The following TENM1 variants were observed in gnomAD, a reference collection of about 807,000 sequenced individuals.
The protein encoded by TENM1 is teneurin-1.
A neutral mutation model predicts 174.8 loss-of-function variants in TENM1; 35 were observed. The observed-to-expected ratio is 0.20, with a 90% CI of 0.15 to 0.27. The LOEUF (loss-of-function observed/expected upper bound fraction) is 0.27, where lower values mean the gene tolerates loss of function less well. Among genes scored for constraint, TENM1 ranks in the 10% least tolerant of loss-of-function variants. The pLI is 1.00. For missense variants in TENM1, 1,633 were observed against 2,130.1 expected (o/e 0.77, Z 4.59); for synonymous variants, 781 against 798.7 (o/e 0.98, Z 0.37).
At chrX:124,597,222 A>T (rs1283244386) in intron 11 of TENM1, among the ~76,000 whole-genome samples, 1 of 112,019 alleles carries the variant, frequency 8.9e-6, no homozygotes, top group East Asian at 2.8e-4. Context: ...ACACTTGCAC[A>T]TGCATGTTGA....
intron 3 of TENM1, among the ~76,000 whole-genome samples, chrX:124,868,940 C>T (rs775064020): frequency 9.1e-5 from 10 of 109,829 alleles, no homozygotes; most frequent in African/African-American, 3.3e-4. Context: ...TGTGATCTCA[C>T]CCGGCTGGGC....
intron 18 of TENM1, among the ~76,000 whole-genome samples, chrX:124,514,718 A>C (rs148629620): frequency 1.8e-4 from 20 of 109,999 alleles, no homozygotes; most frequent in Middle Eastern, 4.6e-3. Flanking sequence ...ACCAACCAAC[A>C]AACAAACAAA....
intron 11 of TENM1, among the ~76,000 whole-genome samples, chrX:124,612,327 ACTC>A (rs1032273026): frequency 6.3e-5 from 7 of 110,267 alleles, no homozygotes; most frequent in Non-Finnish European, 1.1e-4. Flanking sequence ...CATTCTGATA[ACTC>A]ACCCCAAACT....
intron 11 of TENM1, among the ~76,000 whole-genome samples, chrX:124,624,586 G>A (rs1398357724): frequency 9.0e-6 from 1 of 111,615 alleles, no homozygotes; most frequent in Non-Finnish European, 1.9e-5. Flanking sequence ...AAGAGGTTAG[G>A]TAATTTGGTT....
chrX:124,647,938 G>T (rs1650600207), intron 8 of TENM1, among the ~76,000 whole-genome samples: 1 of 111,651 alleles, frequency 9.0e-6, no homozygotes, highest in Non-Finnish European at 1.9e-5. Flanking sequence ...AGCTATTTCT[G>T]ATTAGAAGGA....
At chrX:124,799,890 G>A (rs34424840) in intron 3 of TENM1, among the ~76,000 whole-genome samples, 1 of 111,934 alleles carries the variant, frequency 8.9e-6, no homozygotes, top group African/African-American at 3.3e-5. Flanking sequence ...TTCTGTTTAT[G>A]TGATGAATTA....
chrX:124,627,517 T>C (rs1430524072), intron 11 of TENM1, among the ~76,000 whole-genome samples: 4 of 111,587 alleles, frequency 3.6e-5, no homozygotes, highest in African/African-American at 1.3e-4. Flanking sequence ...TTACACAAGG[T>C]ATGGATTTGG....
chrX:124,769,136 G>A (rs1223648253), intron 3 of TENM1, among the ~76,000 whole-genome samples: 2 of 111,572 alleles, frequency 1.8e-5, no homozygotes, highest in African/African-American at 6.5e-5. Context: ...AATATTCAGG[G>A]AAACATACTT....
chrX:124,732,154 C>T lies in TENM1; in HGVS notation c.776+4803G>A, dbSNP rs763988711. ...TTCCACTGTTATCTTCCATACCAAA[C>T]ACAAAACTGAAAAAGAATCAACTAT... On this transcript the variant is annotated intron_variant, in intron 4 of 31. Coordinates refer to ENST00000422452, the Ensembl canonical transcript of TENM1. Among the ~76,000 whole-genome samples the T allele has an allele frequency of 4.6e-3, 512 of 111,976 alleles. 3 individuals are homozygous for T. Among genetic ancestry groups the T allele is most frequent in the African/African-American group, 0.016 (485 of 30,859 alleles).
At chrX:125,110,290 A>T in the TENM1 span, among the ~76,000 whole-genome samples, 2 of 111,557 alleles carry the variant, frequency 1.8e-5, no homozygotes, top group Middle Eastern at 4.2e-3. Context: ...TGCTGTCAAA[A>T]TCTAAGTTGG....
intron 11 of TENM1, among the ~76,000 whole-genome samples, chrX:124,613,644 T>C (rs1440121151): frequency 1.8e-5 from 2 of 111,524 alleles, no homozygotes; most frequent in Non-Finnish European, 3.8e-5. Context: ...TGCTTGGTAA[T>C]ATCTCATTTG....
chrX:124,397,181 A>G (rs752007027), intron 27 of TENM1, among the ~76,000 whole-genome samples: 1 of 111,984 alleles, frequency 8.9e-6, no homozygotes, highest in East Asian at 2.8e-4. Flanking sequence ...TATGGGGAAA[A>G]GCAAAGCCCT....
At chrX:124,601,708 T>A (rs1057112309) in intron 11 of TENM1, among the ~76,000 whole-genome samples, 15 of 110,384 alleles carry the variant, frequency 1.4e-4, no homozygotes, top group Non-Finnish European at 1.9e-5. Context: ...ACCGTATGAT[T>A]TTTTTCCAAT....
At chrX:124,753,803 G>A (rs188504949) in intron 3 of TENM1, among the ~76,000 whole-genome samples, 1,815 of 111,593 alleles carry the variant, frequency 0.016, 19 homozygotes, top group African/African-American at 0.034. Flanking sequence ...ATTGATTTGC[G>A]TCTATCGAAC....
chrX:124,597,391 G>C (rs954628366), intron 11 of TENM1, among the ~76,000 whole-genome samples: 1 of 111,964 alleles, frequency 8.9e-6, no homozygotes, highest in African/African-American at 3.2e-5. Context: ...GATGGAGGTG[G>C]AGACCATTAT....
the TENM1 span, among the ~76,000 whole-genome samples, chrX:125,114,957 A>G: frequency 4.5e-5 from 5 of 111,925 alleles, no homozygotes; most frequent in African/African-American, 1.6e-4. Context: ...TTTCAGGCCA[A>G]TATCCCTGAT....
At chrX:124,701,918 C>T (rs770182996) in intron 5 of TENM1, among the ~76,000 whole-genome samples, 8 of 111,662 alleles carry the variant, frequency 7.2e-5, no homozygotes, top group African/African-American at 2.0e-4. Context: ...GATATCGATG[C>T]GATTTCCCCT....
chrX:125,182,459 G>T, the TENM1 span, among the ~76,000 whole-genome samples: 1 of 86,958 alleles, frequency 1.1e-5, no homozygotes, highest in Non-Finnish European at 2.3e-5. Context: ...CGGGCGGGGG[G>T]GGGGGCATTT....
intron 22 of TENM1, among the ~76,000 whole-genome samples, chrX:124,479,502 T>G (rs893823222): frequency 8.9e-6 from 1 of 111,834 alleles, no homozygotes; most frequent in Admixed American, 9.5e-5. Flanking sequence ...AATATTAGCT[T>G]TGATACATAA....
Sources: gnomAD v4.1 joint callset for allele counts (sites outside exome capture counted in the v4.1 genomes callset) on GRCh38, gnomAD v4.1.1 for gene constraint, MANE v1.5 for transcripts, NCBI Gene and HGNC (gene_info 2026-07-23, HGNC 2026-07-21) for gene names.